MAMSTR: variants seen among roughly 807,000 people sequenced by gnomAD.
MAMSTR encodes the protein MEF2 activating motif and SAP domain containing transcriptional regulator.
A neutral mutation model predicts 42.7 loss-of-function variants in MAMSTR; 41 were observed. The ratio of observed to expected loss-of-function variants is 0.96; its 90% CI spans 0.75 to 1.25. The LOEUF is 1.25. Among genes scored for constraint, MAMSTR ranks in the 50% most tolerant of loss-of-function variants. MAMSTR has a pLI of 0.00. For missense variants in MAMSTR, 567 were observed against 557.6 expected, an observed-to-expected ratio of 1.02 and a Z score of -0.17; for synonymous variants, 265 against 244.1, an observed-to-expected ratio of 1.09 and a Z score of -0.80.
chr19:48,714,887 A>C lies in MAMSTR; in HGVS notation c.447T>G (p.Thr149=). ...PHPRMKPSPL[T]PCPPGVPSPS... ...GGCTAGGGACTCCTGGTGGGCAGGG[A>C]GTGAGGGGAGAGGGCTTCATCCTGG... is the stretch of plus-strand genomic sequence containing the variant. Residue 149 remains threonine (T), a synonymous_variant, in exon 6 of 10, where the codon ACT becomes ACG. Coordinates refer to ENST00000318083, the MANE Select transcript of MAMSTR (RefSeq NM_001130915.2). 1 of 1,608,724 alleles carries C rather than the reference A, an allele frequency of 6.2e-7. No individual in the cohort carries two copies. The highest frequency in any genetic ancestry group is 8.5e-7 in the Non-Finnish European group (1 of 1,176,530).
At chr19:48,715,486 T>C in intron 4 of MAMSTR, 40 bp from the exon 5 acceptor site, 2 of 1,466,128 alleles carry the variant, frequency 1.4e-6, no homozygotes, top group Non-Finnish European at 1.8e-6. Context: ...TCAGCGCGGC[T>C]CCCACCTTCC....
At chr19:48,709,164 C>T (rs942567111), downstream of MAMSTR, among the ~76,000 whole-genome samples, 1 of 152,122 alleles carries the variant, frequency 6.6e-6, no homozygotes, top group African/African-American at 2.4e-5. Flanking sequence ...GTGGTGCACA[C>T]CTGTAATCCC....
Position 48,715,991 on chromosome 19 carries a change from G to A in MAMSTR, c.98-224C>T. 3.7e-6 allele frequency: 5 copies of A among 1,337,506 alleles called. No individual in the cohort carries two copies. In the South Asian group the frequency reaches 8.9e-5, roughly 24 times the overall value. 82.9% of individuals were successfully genotyped at this position (1,337,506 alleles called of 1,614,324 possible). On this transcript the variant is annotated intron_variant, in intron 3 of 9. Transcript: ENST00000318083. ...AGCAGGAATTTTCTATCACAAAGGGGTGTGGTAGCTGAGGATCACAGATGT... is the reference window on the plus strand; with the variant it reads ...AGCAGGAATTTTCTATCACAAAGGGATGTGGTAGCTGAGGATCACAGATGT...
chr19:48,715,277 T>G lies in MAMSTR; in HGVS notation c.410A>C (p.Gln137Pro). ...GPSLWEGTDS[Q>P]QPHPRMKPSP... ...GGTGTCATACCTAGGATGTGGCTGC[T>G]GCGAGTCTGTCCCTTCCCACAGAGA... The change falls in exon 5 of 10, where the codon CAG becomes CCG. Residue 137 changes from glutamine to proline, a missense_variant. Physicochemically the swap from Gln to Pro is moderately conservative, Grantham distance 76. Coordinates refer to ENST00000318083, the MANE Select transcript of MAMSTR (RefSeq NM_001130915.2). 2 of 1,591,284 alleles carry G rather than the reference T, an allele frequency of 1.3e-6. No individual in the cohort carries two copies. Among genetic ancestry groups the G allele is most frequent in the South Asian group, 2.3e-5 (2 of 87,204 alleles).
chr19:48,710,135 TTG>T (rs2032701301), downstream of MAMSTR, among the ~76,000 whole-genome samples: 2 of 150,372 alleles, frequency 1.3e-5, no homozygotes. Context: ...GGGACTACTT[TTG>T]TTTTTTTAAG....
chr19:48,706,436 A>G, the MAMSTR span, among the ~76,000 whole-genome samples: 3,634 of 151,492 alleles, frequency 0.024, 141 homozygotes, highest in African/African-American at 0.081. Context: ...TTAGGAGTTC[A>G]AGACCAGCCT....
chr19:48,707,741 G>C (rs1464621294), downstream of MAMSTR, among the ~76,000 whole-genome samples: 3 of 146,536 alleles, frequency 2.0e-5, no homozygotes, highest in African/African-American at 5.0e-5. Flanking sequence ...ACTCAAGAGA[G>C]AGAGAGAGAG....
chr19:48,709,209 C>T (rs1019504691), downstream of MAMSTR, among the ~76,000 whole-genome samples: 5 of 152,206 alleles, frequency 3.3e-5, no homozygotes, highest in South Asian at 2.1e-4. Flanking sequence ...AGTGCAGCGG[C>T]GTGATGTCGG....
intron 5 of MAMSTR, 82 bp downstream of exon 5, chr19:48,715,180 A>G (rs12978752): frequency 7.7e-7 from 1 of 1,295,366 alleles, no homozygotes; most frequent in Non-Finnish European, 1.1e-6. Flanking sequence ...CCAATCCCCT[A>G]ATCTTGGACT....
downstream of MAMSTR, among the ~76,000 whole-genome samples, chr19:48,710,596 ATTTT>A (rs35728097): frequency 3.5e-5 from 4 of 115,338 alleles, no homozygotes; most frequent in Admixed American, 9.1e-5. Context: ...CCTGAAACCT[ATTTT>A]TTTTTTTTTT....
chr19:48,708,502 C>T (rs2032685461), downstream of MAMSTR, among the ~76,000 whole-genome samples: 1 of 152,038 alleles, frequency 6.6e-6, no homozygotes, highest in African/African-American at 2.4e-5. Flanking sequence ...TTGGTCCAGC[C>T]CTGGTTTTCC....
rs1242949631 is a variant in MAMSTR, at chr19:48,714,820, G to A, written c.514C>T (p.Leu172=). 3 of 1,609,906 alleles carry A rather than the reference G, an allele frequency of 1.9e-6. No homozygotes were observed. The African/African-American group carries it at 4.0e-5, about 22-fold the overall frequency. Residue 172 remains leucine (L), a synonymous_variant, in exon 6 of 10, where the codon CTG becomes TTG. Transcript: ENST00000318083. ...PHKLELQTLK[L]EELTVSELRQ... is the part of the protein sequence containing the mutation. ...CCCAAACTCACCGTCAGCTCCTCCA[G>A]TTTAAGGGTCTGAAGTTCCAACTTG...
In MAMSTR at chr19:48,714,534, G is replaced by A. The variant is rs2032908538; in HGVS notation, c.555C>T (p.Arg185=). The change falls in exon 7 of 10, where the codon CGC becomes CGT. Residue 185 remains arginine, a synonymous_variant. Coordinates refer to ENST00000318083, the MANE Select transcript of MAMSTR (RefSeq NM_001130915.2). ...LTVSELRQQL[R]LRGLPVSGTK... is the part of the protein sequence containing the mutation. ...TCCCCGACACTGGGAGGCCCCGCAG[G>A]CGCAGCTGCTGCCGGAGCTCTGAGA... 2.7e-6 allele frequency: 4 copies of A among 1,458,282 alleles called. No individual in the cohort carries two copies. Among genetic ancestry groups the A allele is most frequent in the Non-Finnish European group, 3.6e-6 (4 of 1,117,884 alleles). The allele number at this position is 1,458,282 out of a possible 1,614,324, so 90.3% of individuals were successfully genotyped here.
intron 6 of MAMSTR, 72 bp from the exon 7 acceptor site, chr19:48,714,632 A>G (rs2032915932): frequency 7.1e-7 from 1 of 1,418,182 alleles, no homozygotes; most frequent in Non-Finnish European, 9.4e-7. Context: ...GCTGGACAGG[A>G]TATTTGGAAA....
chr19:48,714,882 C>T lies in MAMSTR; in HGVS notation c.452G>A (p.Cys151Tyr), dbSNP rs2032933528. 6.2e-7 allele frequency: 1 copy of T among 1,609,296 alleles called. No homozygotes were observed. Among genetic ancestry groups the T allele is most frequent in the African/African-American group, 1.3e-5 (1 of 74,428 alleles). ...CGAGGGGCTAGGGACTCCTGGTGGG[C>T]AGGGAGTGAGGGGAGAGGGCTTCAT... ...PRMKPSPLTP[C>Y]PPGVPSPSPP... Residue 151 changes from cysteine (C) to tyrosine (Y), a missense_variant, in exon 6 of 10, where the codon TGC becomes TAC. By Grantham distance (194) the Cys-to-Tyr change is radical. Coordinates refer to ENST00000318083, the MANE Select transcript of MAMSTR (RefSeq NM_001130915.2).
intron 3 of MAMSTR, chr19:48,716,014 T>A (rs1358345982): frequency 1.6e-6 from 2 of 1,255,926 alleles, no homozygotes; most frequent in East Asian, 3.7e-5. Flanking sequence ...GGATCACAGA[T>A]GTCTGAGGTT....
At chr19:48,713,802 G>C in intron 8 of MAMSTR, 32 bp from the exon 9 acceptor site, 1 of 1,614,220 alleles carries the variant, frequency 6.2e-7, no homozygotes, top group Non-Finnish European at 8.5e-7. Flanking sequence ...GTGAACTCGG[G>C]ACTGCGACCT....
At chr19:48,709,930 C>T (rs988034393), downstream of MAMSTR, among the ~76,000 whole-genome samples, 1 of 149,940 alleles carries the variant, frequency 6.7e-6, no homozygotes, top group Non-Finnish European at 1.5e-5. Context: ...AGTGCAGTGG[C>T]GTGATCTCGG....
At position 48,713,103 on chromosome 19, in the gene MAMSTR, A is replaced by C; in HGVS notation, c.*164T>G. On this transcript the variant is annotated 3_prime_UTR_variant, in exon 10 of 10. Transcript: ENST00000318083. ...TAAGGAGGCCAGGTAGGCAAAGTTA[A>C]GGCAGTTGCATGTCAGCAGCACTTC... is the stretch of plus-strand genomic sequence containing the variant. 1 of 630,890 alleles carries C rather than the reference A, an allele frequency of 1.6e-6. No homozygotes were observed. Among genetic ancestry groups the C allele is most frequent in the Non-Finnish European group, 2.6e-6 (1 of 389,546 alleles). The allele number at this position is 630,890 out of a possible 1,614,324, so 39.1% of individuals were successfully genotyped here. A position where few individuals can be genotyped will look rare whatever the true frequency, so the allele number is the denominator to read the frequency against.
Sources: allele counts gnomAD v4.1 joint callset (sites outside exome capture counted in the v4.1 genomes callset), GRCh38; gene constraint gnomAD v4.1.1; transcripts MANE v1.5; gene names NCBI Gene and HGNC (gene_info 2026-07-23, HGNC 2026-07-21).